The following NCEH1 variants were observed in gnomAD, a reference collection of about 807,000 sequenced individuals.
The protein encoded by NCEH1 is 2-acetyl MAGE hydrolase.
Under a neutral mutation model 25.4 loss-of-function variants are expected in NCEH1, and 9 were observed. The ratio of observed to expected loss-of-function variants is 0.35; its 90% CI spans 0.21 to 0.62. NCEH1 has a LOEUF of 0.62. Among genes scored for constraint, NCEH1 ranks in the 20% least tolerant of loss-of-function variants. The pLI is 0.72. For missense variants in NCEH1, 412 were observed against 501.1 expected (o/e 0.82, Z 1.70); for synonymous variants, 200 against 199.8 (o/e 1.00, Z -0.01).
At chr3:172,705,170 T>C (rs1322431956) in intron 1 of NCEH1, among the ~76,000 whole-genome samples, 1 of 152,228 alleles carries the variant, frequency 6.6e-6, no homozygotes, top group African/African-American at 2.4e-5. Flanking sequence ...TTTTGAAAGA[T>C]ATTTTTTGTA....
intron 1 of NCEH1, among the ~76,000 whole-genome samples, chr3:172,688,272 G>A (rs1448678486): frequency 7.0e-6 from 1 of 142,258 alleles, no homozygotes; most frequent in Non-Finnish European, 1.5e-5. Context: ...GGAGGTTGCA[G>A]TGAGCCGAGA....
At chr3:172,650,812 G>GAA (rs768170518) in intron 1 of NCEH1, among the ~76,000 whole-genome samples, 2,068 of 35,642 alleles carry the variant, frequency 0.058, 137 homozygotes, top group African/African-American at 0.14. Context: ...ACTCTGCCTC[G>GAA]AAAAAAAAAA....
At chr3:172,647,761 G>A in intron 2 of NCEH1, 125 bp downstream of exon 2, 2 of 1,343,186 alleles carry the variant, frequency 1.5e-6, no homozygotes, top group Non-Finnish European at 2.0e-6. Flanking sequence ...AGGGGTAACT[G>A]GGACCATCCA....
intron 1 of NCEH1, among the ~76,000 whole-genome samples, chr3:172,689,676 A>C (rs1461458589): frequency 6.8e-6 from 1 of 146,998 alleles, no homozygotes; most frequent in Non-Finnish European, 1.5e-5. Context: ...GTACCACTGC[A>C]CTCCAGCCTG....
chr3:172,681,355 T>C (rs1006260686), intron 1 of NCEH1: 5 of 152,070 alleles, frequency 3.3e-5, no homozygotes, highest in Admixed American at 6.6e-5. Flanking sequence ...TCTGATGTTC[T>C]TACACTAAAG....
At chr3:172,696,258 A>C (rs1713362297) in intron 1 of NCEH1, among the ~76,000 whole-genome samples, 2 of 152,228 alleles carry the variant, frequency 1.3e-5, no homozygotes, top group South Asian at 4.1e-4. Context: ...CAGGATTTAA[A>C]CCTAATAGCC....
intron 1 of NCEH1, among the ~76,000 whole-genome samples, chr3:172,650,052 G>A (rs1303175344): frequency 6.6e-6 from 1 of 152,230 alleles, no homozygotes; most frequent in East Asian, 1.9e-4. Context: ...TGCATGCTCT[G>A]AGTACATGCG....
At chr3:172,680,850 A>G (rs1712327977) in intron 1 of NCEH1, 1 of 152,236 alleles carries the variant, frequency 6.6e-6, no homozygotes, top group African/African-American at 2.4e-5. Context: ...TAGGCTGCGC[A>G]AAGAATGACT....
intron 1 of NCEH1, among the ~76,000 whole-genome samples, chr3:172,702,520 T>G (rs1399814440): frequency 6.6e-6 from 1 of 152,222 alleles, no homozygotes; most frequent in African/African-American, 2.4e-5. Flanking sequence ...TTCTCAAGAT[T>G]AGGTATCTGC....
chr3:172,647,518 C>T (rs905447293), intron 2 of NCEH1, among the ~76,000 whole-genome samples: 14 of 152,156 alleles, frequency 9.2e-5, no homozygotes, highest in African/African-American at 1.7e-4. Flanking sequence ...TCCCCATATG[C>T]GTGCCTGGTG....
chr3:172,643,093 C>CAT (rs1716938894), intron 3 of NCEH1, among the ~76,000 whole-genome samples: 1 of 152,074 alleles, frequency 6.6e-6, no homozygotes, highest in African/African-American at 2.4e-5. Flanking sequence ...CATGCACCAC[C>CAT]ATGCCAGGCT....
At chr3:172,639,718 T>C (rs1394518074) in intron 3 of NCEH1, among the ~76,000 whole-genome samples, 1 of 152,226 alleles carries the variant, frequency 6.6e-6, no homozygotes, top group African/African-American at 2.4e-5. Flanking sequence ...GACAAGTGGA[T>C]TACCTAGCTT....
chr3:172,661,616 C>T (rs141474595), intron 1 of NCEH1, among the ~76,000 whole-genome samples: 9,527 of 152,152 alleles, frequency 0.063, 418 homozygotes, highest in Non-Finnish European at 0.098. Flanking sequence ...ATGGAATGTT[C>T]TTCCATTTGT....
intron 3 of NCEH1, 90 bp downstream of exon 3, chr3:172,645,533 T>G: frequency 1.3e-6 from 1 of 766,912 alleles, no homozygotes; most frequent in Non-Finnish European, 2.2e-6. Context: ...CTTTATTTTT[T>G]ACTTTATCAC....
intron 1 of NCEH1, among the ~76,000 whole-genome samples, chr3:172,658,752 G>T (rs532802074): frequency 2.7e-5 from 4 of 148,212 alleles, no homozygotes; most frequent in East Asian, 4.0e-4. Flanking sequence ...AAAACATTTG[G>T]TTTTTTTCCT....
intron 1 of NCEH1, among the ~76,000 whole-genome samples, chr3:172,674,818 A>G (rs1711860604): frequency 2.0e-5 from 3 of 152,212 alleles, no homozygotes; most frequent in Admixed American, 2.0e-4. Context: ...CCTGATTATC[A>G]TCCTTATAAC....
intron 1 of NCEH1, among the ~76,000 whole-genome samples, chr3:172,666,260 T>C (rs1195742036): frequency 2.0e-5 from 3 of 152,218 alleles, no homozygotes; most frequent in Admixed American, 2.0e-4. Flanking sequence ...GTGTCATGGC[T>C]GCCTCCGGAT....
At chr3:172,694,380 G>A (rs73173348) in intron 1 of NCEH1, among the ~76,000 whole-genome samples, 265 of 115,846 alleles carry the variant, frequency 2.3e-3, no homozygotes, top group Non-Finnish European at 3.6e-3. Context: ...TTATATATAT[G>A]TGTGTGTGTG....
At position 172,647,995 on chromosome 3, in the gene NCEH1, G is replaced by A. The variant is rs530791462; in HGVS notation, c.258C>T (p.Asp86=). Residue 86 remains aspartate, a synonymous_variant, in exon 2 of 5, where the codon GAC becomes GAT. Coordinates refer to ENST00000475381, the MANE Select transcript of NCEH1 (RefSeq NM_020792.6). The stretch of plus-strand genomic sequence containing the variant: ...ACACTCTGACTTCCACACCATCAAA[G>A]TCTGTGTCGGTCACCTTCACTTGGG... ...SSAQVKVTDT[D]FDGVEVRVFE... is the part of the protein sequence containing the mutation. The A allele has an allele frequency of 3.7e-6, 6 of 1,614,208 alleles. No homozygotes were observed. The South Asian group carries it at 4.4e-5, about 12-fold the overall frequency.
Sources: gnomAD v4.1 joint callset for allele counts (sites outside exome capture counted in the v4.1 genomes callset) on GRCh38, gnomAD v4.1.1 for gene constraint, MANE v1.5 for transcripts, NCBI Gene and HGNC (gene_info 2026-07-23, HGNC 2026-07-21) for gene names.